Variants in IRAK2 observed in about 807,000 individuals in gnomAD.
IRAK2 encodes the protein interleukin 1 receptor associated kinase 2, also known as interleukin-1 receptor-associated kinase-like 2.
A neutral mutation model predicts 72.0 loss-of-function variants in IRAK2; 57 were observed. The observed-to-expected ratio is 0.79, with a 90% CI of 0.64 to 0.99. The LOEUF is 0.99. Ranked by LOEUF, IRAK2 falls within the 50% of genes least tolerant of loss-of-function variation. The probability of loss-of-function intolerance (pLI) is 0.00; values close to 1 mark genes in which losing one functional copy is unlikely to be tolerated. For missense variants in IRAK2, 790 were observed against 794.4 expected, an observed-to-expected ratio of 0.99 and a Z score of 0.07; for synonymous variants, 293 against 312.7, an observed-to-expected ratio of 0.94 and a Z score of 0.67.
chr3:10,171,713 G>A (rs113734358), intron 1 of IRAK2, among the ~76,000 whole-genome samples: 6 of 149,000 alleles, frequency 4.0e-5, no homozygotes, highest in Non-Finnish European at 7.4e-5. Context: ...CTCGTGATCC[G>A]CCCGCCTCAG....
chr3:10,221,931 T>A (rs1456850617), intron 8 of IRAK2, among the ~76,000 whole-genome samples: 12 of 152,098 alleles, frequency 7.9e-5, no homozygotes, highest in African/African-American at 2.9e-4. Flanking sequence ...TGATTTTTTT[T>A]GAGACAGTGT....
intron 7 of IRAK2, among the ~76,000 whole-genome samples, chr3:10,219,327 G>T (rs900601856): frequency 5.3e-5 from 8 of 149,962 alleles, no homozygotes; most frequent in South Asian, 2.1e-4. Context: ...TTTTGTTTTT[G>T]TTTTTTTTTG....
chr3:10,170,634 G>C (rs947901289), intron 1 of IRAK2, among the ~76,000 whole-genome samples: 8 of 152,198 alleles, frequency 5.3e-5, no homozygotes, highest in African/African-American at 1.4e-4. Context: ...GCGGGCAGGG[G>C]CCTTACCTGT....
In IRAK2 at chr3:10,222,336, G is replaced by A. The variant is rs532417991; in HGVS notation, c.1014-300G>A. Among the ~76,000 whole-genome samples, 7 of 152,300 alleles carry A rather than the reference G, an allele frequency of 4.6e-5. No homozygotes were observed. The South Asian group carries it at 6.2e-4, about 14-fold the overall frequency. ...GACTGAGTCTGCACAGCCTGTAGGC[G>A]TGGCAAGCTGAGGCTGATCAGGGTT... On this transcript the variant is annotated intron_variant, in intron 8 of 12. Transcript: ENST00000256458.
intron 11 of IRAK2, among the ~76,000 whole-genome samples, chr3:10,235,261 C>G (rs976940168): frequency 6.6e-6 from 1 of 152,044 alleles, no homozygotes; most frequent in Non-Finnish European, 1.5e-5. Flanking sequence ...TGAGAAGTAG[C>G]CGTGGCTTCC....
chr3:10,191,448 C>T (rs1443733877), intron 2 of IRAK2, among the ~76,000 whole-genome samples: 1 of 152,164 alleles, frequency 6.6e-6, no homozygotes, highest in Non-Finnish European at 1.5e-5. Context: ...AAGGTTCTGC[C>T]TAACTGTGGC....
Position 10,171,959 on chromosome 3 carries a change from T to C in IRAK2, c.95-5879T>C, listed in dbSNP as rs564166389. Among the ~76,000 whole-genome samples, 7 of 151,604 alleles carry C rather than the reference T, an allele frequency of 4.6e-5. No homozygotes were observed. The South Asian group carries it at 8.4e-4, about 18-fold the overall frequency. ...TTTTGCATTTTCAGTAGAGATGGGCTGGGCGTAGTGGCTCACGGCTGTAAT... is the reference window on the plus strand; with the variant it reads ...TTTTGCATTTTCAGTAGAGATGGGCCGGGCGTAGTGGCTCACGGCTGTAAT... On this transcript the variant is annotated intron_variant, in intron 1 of 12. Transcript: ENST00000256458.
At chr3:10,232,421 G>A (rs562934258) in intron 10 of IRAK2, among the ~76,000 whole-genome samples, 3 of 152,280 alleles carry the variant, frequency 2.0e-5, no homozygotes, top group Admixed American at 1.3e-4. Context: ...TTCACTACAC[G>A]GGGCGTAGCC....
chr3:10,219,865 C>T (rs2125158778), intron 8 of IRAK2, 76 bp downstream of exon 8: 2 of 933,414 alleles, frequency 2.1e-6, no homozygotes, highest in Middle Eastern at 2.1e-4. Context: ...GGCTCACCTC[C>T]CGCTCCGCCA....
chr3:10,191,294 CAAA>C (rs60436432), intron 2 of IRAK2, among the ~76,000 whole-genome samples: 1 of 143,698 alleles, frequency 7.0e-6, no homozygotes, highest in African/African-American at 2.5e-5. Flanking sequence ...GAATCTGTCT[CAAA>C]AAAAAAAAAA....
At position 10,241,942 on chromosome 3, in the gene IRAK2, C is replaced by G. The variant is rs547542707; in HGVS notation, c.1766-174C>G. ...GAGCTGAAATTGTGCCACTGCACTC[C>G]AGCCTGGGCAACAAAGTGAGACCCT... On this transcript the variant is annotated intron_variant, in intron 12 of 12. Transcript: ENST00000256458. Among the ~76,000 whole-genome samples the G allele has an allele frequency of 4.1e-5, 6 of 146,210 alleles. No individual in the cohort carries two copies. The East Asian group carries it at 1.2e-3, about 29-fold the overall frequency.
intron 1 of IRAK2, 62 bp from the exon 2 acceptor site, chr3:10,177,776 G>C: frequency 6.5e-7 from 1 of 1,532,354 alleles, no homozygotes; most frequent in Non-Finnish European, 9.0e-7. Flanking sequence ...GGCTAGTGTG[G>C]GGACCTGTCC....
At chr3:10,181,954 T>C (rs1696966078) in intron 2 of IRAK2, among the ~76,000 whole-genome samples, 1 of 149,282 alleles carries the variant, frequency 6.7e-6, no homozygotes, top group African/African-American at 2.5e-5. Flanking sequence ...CATTTTCTTT[T>C]TTTTCTTTTT....
intron 10 of IRAK2, among the ~76,000 whole-genome samples, chr3:10,227,004 G>T (rs1187506713): frequency 1.3e-5 from 2 of 148,832 alleles, no homozygotes; most frequent in Admixed American, 1.3e-4. Flanking sequence ...GTATAAAAGA[G>T]AAAGCACTTC....
intron 2 of IRAK2, among the ~76,000 whole-genome samples, chr3:10,184,758 CTT>C (rs1233642854): frequency 5.4e-5 from 7 of 129,444 alleles, no homozygotes; most frequent in Non-Finnish European, 1.1e-4. Flanking sequence ...GAGACGGAGC[CTT>C]GCTCTGTCGC....
In IRAK2 at chr3:10,164,927, C is replaced by T. The variant is rs772064442; in HGVS notation, c.-28C>T. 4.5e-6 allele frequency: 7 copies of T among 1,558,544 alleles called. No individual in the cohort carries two copies. Among genetic ancestry groups the T allele is most frequent in the Middle Eastern group, 2.2e-4 (1 of 4,466 alleles). ...CCCGCAGTGTCCGACCCAGTCGTCCCGCGCCGGAGCCGGCCCCGTAGCGTG... is the reference window on the plus strand; with the variant it reads ...CCCGCAGTGTCCGACCCAGTCGTCCTGCGCCGGAGCCGGCCCCGTAGCGTG... On this transcript the variant is annotated 5_prime_UTR_variant, in exon 1 of 13. Coordinates refer to ENST00000256458, the MANE Select transcript of IRAK2 (RefSeq NM_001570.4).
At position 10,242,234 on chromosome 3, in the gene IRAK2, G is replaced by A. The variant is rs200047534; in HGVS notation, c.*6G>A. On this transcript the variant is annotated 3_prime_UTR_variant, in exon 13 of 13. Transcript: ENST00000256458. ...TTGAGCTCTTTGGCCCCTGATGACC[G>A]GAACACAGCTGAGGACCCTTGTCCT... The A allele has an allele frequency of 3.5e-4, 542 of 1,537,740 alleles. 1 individual carries two copies. Among genetic ancestry groups the A allele is most frequent in the Middle Eastern group, 3.4e-4 (2 of 5,896 alleles).
chr3:10,172,251 T>C (rs572785095), intron 1 of IRAK2, among the ~76,000 whole-genome samples: 239 of 151,288 alleles, frequency 1.6e-3, no homozygotes, highest in Non-Finnish European at 2.7e-3. Flanking sequence ...CCTGTAGTCC[T>C]AGCTACTCAG....
rs34423993 is a variant in IRAK2 at position 10,236,342 on chromosome 3, G to GTTT, written c.1473+1706_1473+1708dup. On this transcript the variant is annotated intron_variant, in intron 11 of 12. Coordinates refer to ENST00000256458, the MANE Select transcript of IRAK2 (RefSeq NM_001570.4). ...TAAGGATTTTTGCAGAGCCACTAAGGTTTTTTTTTTTTTTTTTTTTTTTTT... is the reference window on the plus strand; with the variant it reads ...TAAGGATTTTTGCAGAGCCACTAAGGTTTTTTTTTTTTTTTTTTTTTTTTTTTT... 1.5e-3 allele frequency among the ~76,000 whole-genome samples: 145 copies of GTTT among 99,638 alleles called. 2 individuals are homozygous for GTTT. Among genetic ancestry groups the GTTT allele is most frequent in the East Asian group, 9.2e-3 (22 of 2,390 alleles). 65.4% of individuals were successfully genotyped at this position (99,638 alleles called of 152,430 possible). A position where few individuals can be genotyped will look rare whatever the true frequency, so the allele number is the denominator to read the frequency against.
Sources: gnomAD v4.1 joint callset for allele counts (sites outside exome capture counted in the v4.1 genomes callset) on GRCh38, gnomAD v4.1.1 for gene constraint, MANE v1.5 for transcripts, NCBI Gene and HGNC (gene_info 2026-07-23, HGNC 2026-07-21) for gene names.